The following PRKG1 variants were observed in gnomAD, a reference collection of about 807,000 sequenced individuals.
PRKG1 encodes protein kinase cGMP-dependent 1.
In PRKG1, 35 loss-of-function variants were observed where a neutral mutation model predicts 88.1. The ratio of observed to expected loss-of-function variants is 0.40; its 90% CI spans 0.30 to 0.53. PRKG1 has a LOEUF of 0.53. Among genes scored for constraint, PRKG1 ranks in the 20% least tolerant of loss-of-function variants. PRKG1 has a pLI of 0.59. For synonymous variants in PRKG1, 303 were observed against 292.5 expected, an observed-to-expected ratio of 1.04 and a Z score of -0.37; for missense variants, 540 against 839.8, an observed-to-expected ratio of 0.64 and a Z score of 4.41.
intron 9 of PRKG1, among the ~76,000 whole-genome samples, chr10:52,232,360 A>G (rs1465939833): frequency 6.6e-6 from 1 of 152,166 alleles, no homozygotes; most frequent in Non-Finnish European, 1.5e-5. Flanking sequence ...TTCTAAAACA[A>G]TTCTCAATAT....
chr10:51,349,696 G>A (rs143763457), intron 2 of PRKG1, among the ~76,000 whole-genome samples: 4,097 of 151,792 alleles, frequency 0.027, 158 homozygotes, highest in African/African-American at 0.09. Context: ...TAGTAGAGAC[G>A]GGGTTTCACC....
At chr10:52,246,261 A>G (rs937969641) in intron 9 of PRKG1, among the ~76,000 whole-genome samples, 1 of 152,154 alleles carries the variant, frequency 6.6e-6, no homozygotes, top group Non-Finnish European at 1.5e-5. Context: ...TTTTGTAGAG[A>G]CTGGTAATAT....
At chr10:51,044,222 C>A (rs957119529) in intron 1 of PRKG1, among the ~76,000 whole-genome samples, 3 of 152,118 alleles carry the variant, frequency 2.0e-5, no homozygotes, top group African/African-American at 2.4e-5. Flanking sequence ...TCATTATGTG[C>A]CCCAGTGCTT....
chr10:52,206,805 T>A (rs1184853570), intron 9 of PRKG1, among the ~76,000 whole-genome samples: 2 of 151,922 alleles, frequency 1.3e-5, no homozygotes, highest in Non-Finnish European at 2.9e-5. Flanking sequence ...GGCTGAGGAG[T>A]TTCCATTTTG....
At chr10:51,638,407 G>C (rs1353944760) in intron 3 of PRKG1, among the ~76,000 whole-genome samples, 1 of 152,012 alleles carries the variant, frequency 6.6e-6, no homozygotes, top group African/African-American at 2.4e-5. Flanking sequence ...GAGCAGAAAC[G>C]TAACTTAGCT....
rs117784813 is a variant in PRKG1, at chr10:51,358,764, A to G, written c.479-108959A>G. ...TAAAGCCTAAGTTAGCTAATTTGGA[A>G]TACTGTCATAGACTCTTGTTCACTA... On this transcript the variant is annotated intron_variant, in intron 2 of 17. Transcript: ENST00000373980. Among the ~76,000 whole-genome samples the G allele has an allele frequency of 7.9e-4, 120 of 152,018 alleles. 2 individuals carry two copies. In the East Asian group the frequency reaches 0.023, roughly 29 times the overall value.
At chr10:51,735,989 C>T (rs1306576749) in intron 3 of PRKG1, among the ~76,000 whole-genome samples, 30 of 132,418 alleles carry the variant, frequency 2.3e-4, no homozygotes, top group African/African-American at 8.1e-4. Context: ...ACCTTCTGGG[C>T]TCCCACAATG....
intron 4 of PRKG1, among the ~76,000 whole-genome samples, chr10:51,843,090 A>ATTT (rs1200317452): frequency 8.5e-6 from 1 of 117,502 alleles, no homozygotes; most frequent in Non-Finnish European, 1.9e-5. Context: ...TAGGAAAATT[A>ATTT]TTCTTTTTTT....
At chr10:51,593,034 T>C (rs1040679099) in intron 3 of PRKG1, among the ~76,000 whole-genome samples, 3 of 152,210 alleles carry the variant, frequency 2.0e-5, no homozygotes, top group Admixed American at 6.5e-5. Flanking sequence ...GATATCAACA[T>C]TATGCACATC....
At chr10:51,669,546 A>G (rs1283180240) in intron 3 of PRKG1, among the ~76,000 whole-genome samples, 2 of 152,208 alleles carry the variant, frequency 1.3e-5, no homozygotes, top group Non-Finnish European at 2.9e-5. Flanking sequence ...GAAAATTAAC[A>G]GTTAATTAGC....
chr10:51,229,879 T>A (rs1838788817), intron 2 of PRKG1, among the ~76,000 whole-genome samples: 1 of 148,264 alleles, frequency 6.7e-6, no homozygotes, highest in African/African-American at 2.5e-5. Flanking sequence ...GTGAGCCGTG[T>A]TTGTGCCACT....
chr10:52,011,691 C>G lies in PRKG1; in HGVS notation c.763-42793C>G, dbSNP rs114321144. ...ATCAATGCCAAACTGGTTGACAGAG[C>G]AGATTTTTAACATTGCCTCCATTTC... is the stretch of plus-strand genomic sequence containing the variant. On this transcript the variant is annotated intron_variant, in intron 5 of 17. Coordinates refer to ENST00000373980, the MANE Select transcript of PRKG1 (RefSeq NM_006258.4). 2.0e-3 allele frequency among the ~76,000 whole-genome samples: 301 copies of G among 152,258 alleles called. 1 individual carries two copies. Among genetic ancestry groups the G allele is most frequent in the Non-Finnish European group, 3.2e-3 (217 of 68,032 alleles).
chr10:51,849,910 C>T (rs1030734811), intron 4 of PRKG1, among the ~76,000 whole-genome samples: 2 of 151,954 alleles, frequency 1.3e-5, no homozygotes, highest in African/African-American at 2.4e-5. Flanking sequence ...CTAGAAAGTC[C>T]AGACATAGCT....
At chr10:51,282,512 A>C (rs1469173845) in intron 2 of PRKG1, among the ~76,000 whole-genome samples, 1 of 152,158 alleles carries the variant, frequency 6.6e-6, no homozygotes, top group Non-Finnish European at 1.5e-5. Context: ...CAGGGAGAGG[A>C]GTTCACGAAG....
chr10:51,534,525 G>A (rs1026838910), intron 3 of PRKG1, among the ~76,000 whole-genome samples: 3 of 139,336 alleles, frequency 2.2e-5, no homozygotes, highest in Middle Eastern at 3.2e-3. Flanking sequence ...AACATTAGCC[G>A]GGCGAGGTGG....
chr10:51,962,290 C>T (rs532995763), intron 5 of PRKG1, among the ~76,000 whole-genome samples: 59 of 152,228 alleles, frequency 3.9e-4, no homozygotes, highest in African/African-American at 1.4e-3. Context: ...GGTGGGAACA[C>T]TAGTCTTGCA....
intron 3 of PRKG1, among the ~76,000 whole-genome samples, chr10:51,675,654 A>G (rs1446178649): frequency 6.6e-6 from 1 of 152,142 alleles, no homozygotes; most frequent in Non-Finnish European, 1.5e-5. Context: ...TGCTCCACTG[A>G]TTTTTGTCCT....
intron 2 of PRKG1, among the ~76,000 whole-genome samples, chr10:51,397,802 T>TGGCAG (rs1205287121): frequency 6.6e-6 from 1 of 152,224 alleles, no homozygotes; most frequent in Non-Finnish European, 1.5e-5. Context: ...CAGGGTTAAA[T>TGGCAG]GGCAGTGAGC....
chr10:52,086,222 T>C (rs1426996294), intron 7 of PRKG1, among the ~76,000 whole-genome samples: 3 of 152,078 alleles, frequency 2.0e-5, no homozygotes, highest in African/African-American at 7.2e-5. Flanking sequence ...TTCCACCTCT[T>C]ATAGGAAACC....
Sources: gnomAD v4.1 joint callset for allele counts (sites outside exome capture counted in the v4.1 genomes callset) on GRCh38, gnomAD v4.1.1 for gene constraint, MANE v1.5 for transcripts, NCBI Gene and HGNC (gene_info 2026-07-23, HGNC 2026-07-21) for gene names.